Variants in DPF3 observed in about 807,000 individuals in gnomAD.
The protein encoded by DPF3 is double PHD fingers 3.
Under a neutral mutation model 56.8 loss-of-function variants are expected in DPF3, and 18 were observed. That is an observed-to-expected ratio of 0.32 (90% CI 0.22 to 0.47). DPF3 has a LOEUF of 0.47. Among genes scored for constraint, DPF3 ranks in the 20% least tolerant of loss-of-function variants. The probability of loss-of-function intolerance (pLI) is 1.00; values close to 1 mark genes in which losing one functional copy is unlikely to be tolerated. For synonymous variants in DPF3, 188 were observed against 180.2 expected (o/e 1.04, Z -0.35); for missense variants, 403 against 488.8 (o/e 0.82, Z 1.65).
chr14:72,825,029 A>G (rs957721494), intron 1 of DPF3, among the ~76,000 whole-genome samples: 1 of 151,874 alleles, frequency 6.6e-6, no homozygotes, highest in South Asian at 2.1e-4. Flanking sequence ...CTGAGACTAC[A>G]GGCGCATGCC....
In DPF3 at chr14:72,720,951, G is replaced by A. The variant is rs977841605; in HGVS notation, c.525+2682C>T. Among the ~76,000 whole-genome samples the A allele has an allele frequency of 1.8e-3, 271 of 152,114 alleles. 4 individuals are homozygous for A. The highest frequency in any genetic ancestry group is 0.016 in the Admixed American group (251 of 15,284). On this transcript the variant is annotated intron_variant, in intron 5 of 10. Transcript: ENST00000556509. ...TTATTTAACAATATATCCAAAATAT[G>A]ATAGTTTTATAATTTAATATAAAAA... is the stretch of plus-strand genomic sequence containing the variant.
intron 1 of DPF3, among the ~76,000 whole-genome samples, chr14:72,866,292 C>T (rs1451611782): frequency 7.3e-6 from 1 of 137,740 alleles, no homozygotes; most frequent in African/African-American, 2.6e-5. Flanking sequence ...GCAAATTAAT[C>T]ACCCTCAACA....
At chr14:72,770,619 G>GAA (rs1891483210) in intron 2 of DPF3, among the ~76,000 whole-genome samples, 1 of 152,332 alleles carries the variant, frequency 6.6e-6, no homozygotes, top group African/African-American at 2.4e-5. Flanking sequence ...AGGTCAGGGA[G>GAA]AAAAGTAAGG....
chr14:72,611,542 C>G lies in DPF3; in HGVS notation c.*7755G>C, dbSNP rs1213058395. 6.6e-6 allele frequency among the ~76,000 whole-genome samples: 1 copy of G among 152,040 alleles called. No homozygotes were observed. The highest frequency in any genetic ancestry group is 1.5e-5 in the Non-Finnish European group (1 of 68,002). On this transcript the variant is annotated 3_prime_UTR_variant, in exon 11 of 11. Coordinates refer to ENST00000556509, the MANE Select transcript of DPF3 (RefSeq NM_001280542.3). ...CCCCCAGTCCCGCTCTCTGCTTTCTCTAGCAGGGAAAAGACCACTGTGGGG... is the reference window on the plus strand; with the variant it reads ...CCCCCAGTCCCGCTCTCTGCTTTCTGTAGCAGGGAAAAGACCACTGTGGGG...
intron 3 of DPF3, among the ~76,000 whole-genome samples, chr14:72,735,666 G>A (rs11851733): frequency 0.3 from 46,148 of 152,036 alleles, 8,025 homozygotes; most frequent in Middle Eastern, 0.4. Context: ...TACCACAATA[G>A]TTGATTTGCT....
chr14:72,762,581 A>C (rs1891112388), intron 2 of DPF3, among the ~76,000 whole-genome samples: 1 of 151,850 alleles, frequency 6.6e-6, no homozygotes, highest in Non-Finnish European at 1.5e-5. Flanking sequence ...TAGAAATAGA[A>C]GGGAGCATCC....
chr14:72,688,279 G>GTGGGTGGGTGGATGGA (rs1887516662), intron 7 of DPF3, among the ~76,000 whole-genome samples: 1 of 103,416 alleles, frequency 9.7e-6, no homozygotes, highest in Non-Finnish European at 2.0e-5. Context: ...GAGTGGGTGG[G>GTGGGTGGGTGGATGGA]TGGGTGGGTG....
intron 1 of DPF3, among the ~76,000 whole-genome samples, chr14:72,878,847 T>C (rs1886215724): frequency 6.6e-6 from 1 of 152,256 alleles, no homozygotes; most frequent in Non-Finnish European, 1.5e-5. Context: ...ATGCACATCC[T>C]ACATGCAAGC....
chr14:72,832,556 T>G (rs1448292812), intron 1 of DPF3, among the ~76,000 whole-genome samples: 2 of 152,058 alleles, frequency 1.3e-5, no homozygotes, highest in Admixed American at 6.5e-5. Flanking sequence ...ATGTATCCTC[T>G]GTTGTTTTTG....
intron 1 of DPF3, among the ~76,000 whole-genome samples, chr14:72,838,905 A>ATATATATATATATATATTT: frequency 3.1e-5 from 2 of 64,500 alleles, no homozygotes; most frequent in Admixed American, 1.8e-4. Flanking sequence ...TATCATATAT[A>ATATATATATATATATATTT]TTCTTTTTTT....
chr14:72,693,158 A>G lies in DPF3; in HGVS notation c.660T>C (p.Thr220=), dbSNP rs1366725230. The change falls in exon 7 of 11, where the codon ACT becomes ACC. Residue 220 remains threonine (T), a synonymous_variant. Transcript: ENST00000556509. The part of the protein sequence containing the change: ...RPGLSYHYAH[T]HLASEEGDEA... ...CATCCCCCTCCTCGCTGGCCAGGTG[A>G]GTGTGAGCATAGTGGTAGCTGAGCC... 2 of 1,613,864 alleles carry G rather than the reference A, an allele frequency of 1.2e-6. No individual in the cohort carries two copies. The highest frequency in any genetic ancestry group is 1.7e-6 in the Non-Finnish European group (2 of 1,179,868).
At chr14:72,703,580 G>A (rs61994457) in intron 6 of DPF3, among the ~76,000 whole-genome samples, 3 of 152,290 alleles carry the variant, frequency 2.0e-5, no homozygotes, top group East Asian at 1.9e-4. Context: ...CTGAGAAGCC[G>A]GGTAACAGAA....
chr14:72,636,247 T>C lies in DPF3; in HGVS notation c.872-6511A>G, dbSNP rs545203096. 6.0e-4 allele frequency among the ~76,000 whole-genome samples: 91 copies of C among 152,364 alleles called. 1 individual carries two copies. The highest frequency in any genetic ancestry group is 4.6e-3 in the South Asian group (22 of 4,834). ...ATAGTTCTCTATATTCTCATACACATATAAAATTCCTGGTATTTACAAATT... is the reference window on the plus strand; with the variant it reads ...ATAGTTCTCTATATTCTCATACACACATAAAATTCCTGGTATTTACAAATT... On this transcript the variant is annotated intron_variant, in intron 8 of 10. Transcript: ENST00000556509.
At position 72,617,537 on chromosome 14, in the gene DPF3, T is replaced by C. The variant is rs1046710304; in HGVS notation, c.*1760A>G. 6.6e-6 allele frequency among the ~76,000 whole-genome samples: 1 copy of C among 152,132 alleles called. No individual in the cohort carries two copies. Among genetic ancestry groups the C allele is most frequent in the Non-Finnish European group, 1.5e-5 (1 of 68,024 alleles). ...TCCATCCGGTCGGGGGCCCTTTAAA[T>C]GAGACCATTATGTATGTGTGTGATT... On this transcript the variant is annotated 3_prime_UTR_variant, in exon 11 of 11. Transcript: ENST00000556509.
At chr14:72,859,483 C>G (rs773986701) in intron 1 of DPF3, among the ~76,000 whole-genome samples, 3 of 96,388 alleles carry the variant, frequency 3.1e-5, no homozygotes, top group African/African-American at 1.3e-4. Context: ...CCCCCCCCCC[C>G]ACACCATTCC....
At chr14:72,683,734 T>C (rs1280264121) in intron 7 of DPF3, among the ~76,000 whole-genome samples, 1 of 152,134 alleles carries the variant, frequency 6.6e-6, no homozygotes, top group Non-Finnish European at 1.5e-5. Flanking sequence ...GTGCAAATCA[T>C]TTGGGGATCT....
At chr14:72,707,768 T>A (rs2153574902) in intron 6 of DPF3, among the ~76,000 whole-genome samples, 1 of 151,696 alleles carries the variant, frequency 6.6e-6, no homozygotes, top group Non-Finnish European at 1.5e-5. Context: ...CAAAAAATTA[T>A]CTCCAAGGAG....
chr14:72,872,260 T>C (rs1397219210), intron 1 of DPF3, among the ~76,000 whole-genome samples: 2 of 152,274 alleles, frequency 1.3e-5, no homozygotes, highest in East Asian at 3.9e-4. Context: ...TCCAGGCCTG[T>C]GATGGGAGGG....
chr14:72,745,866 G>T (rs1237161099), intron 3 of DPF3, among the ~76,000 whole-genome samples: 2 of 152,182 alleles, frequency 1.3e-5, no homozygotes, highest in Admixed American at 1.3e-4. Context: ...TTAAAATACT[G>T]TCCGAGTTAG....
Sources: allele counts gnomAD v4.1 joint callset (sites outside exome capture counted in the v4.1 genomes callset), GRCh38; gene constraint gnomAD v4.1.1; transcripts MANE v1.5; gene names NCBI Gene and HGNC (gene_info 2026-07-23, HGNC 2026-07-21).